The following NDUFA11 variants were observed in gnomAD, a reference collection of about 807,000 sequenced individuals.
NDUFA11 encodes NADH dehydrogenase [ubiquinone] 1 alpha subcomplex subunit 11.
In NDUFA11, 14 loss-of-function variants were observed where a neutral mutation model predicts 11.3. The ratio of observed to expected loss-of-function variants is 1.24; its 90% CI spans 0.82 to 1.94. The LOEUF (loss-of-function observed/expected upper bound fraction) is 1.94. NDUFA11 is among the 30% of genes most tolerant of loss of function. The pLI is 0.00. For missense variants in NDUFA11, 204 were observed against 200.3 expected (o/e 1.02, Z -0.11); for synonymous variants, 87 against 85.6 (o/e 1.02, Z -0.09).
At chr19:5,893,153 C>A (rs1430123795), downstream of NDUFA11, 18 of 1,535,950 alleles carry the variant, frequency 1.2e-5, no homozygotes, top group Middle Eastern at 1.7e-4. This position sits in a 1 kb window ranked among gnomAD's most constrained non-coding sequence, Gnocchi z 4.1. Flanking sequence ...TCGAGGCAGG[C>A]GCTGGAAGAA....
At chr19:5,894,079 C>T (rs549914136), downstream of NDUFA11, among the ~76,000 whole-genome samples, 6 of 152,340 alleles carry the variant, frequency 3.9e-5, 1 homozygote, top group South Asian at 1.2e-3. Flanking sequence ...ACTGGCCTGA[C>T]AGGTGGCAGG....
chr19:5,896,425 G>C lies in NDUFA11; in HGVS notation c.313+28C>G, dbSNP rs771268358. The C allele has an allele frequency of 6.4e-7, 1 of 1,551,610 alleles. No individual in the cohort carries two copies. The highest frequency in any genetic ancestry group is 8.7e-7 in the Non-Finnish European group (1 of 1,146,902). On this transcript the variant is annotated intron_variant, in intron 3 of 3. Coordinates refer to ENST00000308961, the MANE Select transcript of NDUFA11 (RefSeq NM_175614.5). This position sits in a 1 kb window ranked among gnomAD's most constrained non-coding sequence, Gnocchi z 5.8. ...GGGTCATTCTGCCAGGCTGGGAGGAGGGTGGGGGTGGGGAGGGGGCCACTC... is the reference window on the plus strand; with the variant it reads ...GGGTCATTCTGCCAGGCTGGGAGGACGGTGGGGGTGGGGAGGGGGCCACTC...
At chr19:5,892,630 T>A (rs1296459257), downstream of NDUFA11, 1 of 319,834 alleles carries the variant, frequency 3.1e-6, no homozygotes, top group Non-Finnish European at 5.8e-6. Context: ...AGGGATGGAA[T>A]CTGACGCCTG....
chr19:5,896,361 G>T lies in NDUFA11; in HGVS notation c.313+92C>A. On this transcript the variant is annotated intron_variant, in intron 3 of 3. Coordinates refer to ENST00000308961, the MANE Select transcript of NDUFA11 (RefSeq NM_175614.5). This position sits in a 1 kb window ranked among gnomAD's most constrained non-coding sequence, Gnocchi z 5.8. Reference sequence around the variant, plus strand: ...AAGAAGGCTGCTTTACTTCTTGTCCGGGATGGAACAGAGAGGGTGGAGGAT... The same window carrying T: ...AAGAAGGCTGCTTTACTTCTTGTCCTGGATGGAACAGAGAGGGTGGAGGAT... The T allele has an allele frequency of 7.3e-7, 1 of 1,372,560 alleles. No individual in the cohort carries two copies. The highest frequency in any genetic ancestry group is 2.5e-5 in the East Asian group (1 of 40,286). 85.0% of individuals were successfully genotyped at this position (1,372,560 alleles called of 1,614,324 possible).
chr19:5,897,072 T>A, intron 1 of NDUFA11, 75 bp from the exon 2 acceptor site: 1 of 1,204,544 alleles, frequency 8.3e-7, no homozygotes, highest in Non-Finnish European at 1.2e-6. Flanking sequence ...CCCCACTGGG[T>A]GGTCTCCCTC....
At chr19:5,892,091 TG>T, downstream of NDUFA11, 1 of 152,514 alleles carries the variant, frequency 6.6e-6, no homozygotes, top group Non-Finnish European at 1.5e-5. Flanking sequence ...TGTTCCATTC[TG>T]GGGGGCCCGT....
intron 1 of NDUFA11, among the ~76,000 whole-genome samples, chr19:5,901,112 A>C (rs372066035): frequency 5.3e-5 from 8 of 151,334 alleles, no homozygotes; most frequent in South Asian, 2.1e-4. Flanking sequence ...TCTGGGGAGC[A>C]CCCCCGGTCT....
At chr19:5,892,751 G>A, downstream of NDUFA11, 7 of 903,444 alleles carry the variant, frequency 7.7e-6, no homozygotes, top group East Asian at 2.9e-5. Flanking sequence ...GACAGAGGCC[G>A]GTGCCCTCGA....
rs1289402228 is a variant in NDUFA11 at position 5,896,721 on chromosome 19, C to G, written c.191-146G>C. On this transcript the variant is annotated intron_variant, in intron 2 of 3. Transcript: ENST00000308961. The surrounding 1 kb of genome is among the most constrained non-coding windows in gnomAD (Gnocchi z 5.8). Reference sequence around the variant, plus strand: ...CAGCCTCCTGGCCCCAGTCCTGGAGCTGTTCTCCTGGGCCTCCCCACCCTA... The same window carrying G: ...CAGCCTCCTGGCCCCAGTCCTGGAGGTGTTCTCCTGGGCCTCCCCACCCTA... 9 of 1,306,358 alleles carry G rather than the reference C, an allele frequency of 6.9e-6. No individual in the cohort carries two copies. The South Asian group carries it at 9.8e-5, about 14-fold the overall frequency. 80.9% of individuals were successfully genotyped at this position (1,306,358 alleles called of 1,614,324 possible). A position where few individuals can be genotyped will look rare whatever the true frequency, so the allele number is the denominator to read the frequency against.
chr19:5,893,972 G>T (rs529829551), downstream of NDUFA11, among the ~76,000 whole-genome samples: 6 of 152,204 alleles, frequency 3.9e-5, no homozygotes, highest in Non-Finnish European at 8.8e-5. The surrounding 1 kb of genome is among the most constrained non-coding windows in gnomAD (Gnocchi z 4.1). Context: ...CGCAGCATGT[G>T]GGAGCTTGCA....
intron 1 of NDUFA11, among the ~76,000 whole-genome samples, chr19:5,900,746 T>C (rs2057639782): frequency 6.6e-6 from 1 of 151,932 alleles, no homozygotes; most frequent in East Asian, 1.9e-4. Context: ...GGCGAAACCT[T>C]GTCTCTACTA....
At chr19:5,902,440 T>G (rs2057651755) in intron 1 of NDUFA11, 1 of 152,328 alleles carries the variant, frequency 6.6e-6, no homozygotes, top group Admixed American at 6.5e-5. Flanking sequence ...ATTGTTTTAC[T>G]TTTTTGCAGA....
intron 3 of NDUFA11, chr19:5,895,168 G>T: frequency 2.5e-6 from 1 of 398,670 alleles, no homozygotes; most frequent in Non-Finnish European, 4.7e-6. Context: ...CTGGGCACCG[G>T]GCCATGGTGA....
chr19:5,892,858 C>T (rs2057585918), downstream of NDUFA11: 13 of 1,390,870 alleles, frequency 9.3e-6, no homozygotes, highest in Non-Finnish European at 1.1e-5. Flanking sequence ...TCCCATTTAC[C>T]AGGTGGGAAA....
At chr19:5,899,614 C>G (rs974956462) in intron 1 of NDUFA11, among the ~76,000 whole-genome samples, 1 of 125,598 alleles carries the variant, frequency 8.0e-6, no homozygotes, top group African/African-American at 3.0e-5. Context: ...CCATGCCCAG[C>G]TAATTATTAT....
chr19:5,892,995 T>C (rs541765485), downstream of NDUFA11: 1 of 1,525,984 alleles, frequency 6.6e-7, no homozygotes, highest in Non-Finnish European at 8.8e-7. Flanking sequence ...CCCCTGCCCC[T>C]CTGGGTGCGG....
chr19:5,899,804 C>A (rs2057633758), intron 1 of NDUFA11: 1 of 152,050 alleles, frequency 6.6e-6, no homozygotes, highest in Admixed American at 6.6e-5. Context: ...CCAGCCCTGC[C>A]TGGGACCTGA....
downstream of NDUFA11, chr19:5,894,529 G>T: frequency 1.0e-6 from 1 of 997,038 alleles, no homozygotes; most frequent in Non-Finnish European, 1.5e-6. Flanking sequence ...GTTCTGTGGG[G>T]CCAGGCTGGT....
chr19:5,892,963 A>C (rs1291314262), downstream of NDUFA11: 1 of 1,494,166 alleles, frequency 6.7e-7, no homozygotes, highest in East Asian at 2.5e-5. Flanking sequence ...TGACTCTATT[A>C]GGGCTTGGAC....
Sources: gnomAD v4.1 joint callset for allele counts (sites outside exome capture counted in the v4.1 genomes callset) on GRCh38, gnomAD v4.1.1 for gene constraint, Gnocchi (gnomAD v3.1) non-coding constraint, MANE v1.5 for transcripts, NCBI Gene and HGNC (gene_info 2026-07-23, HGNC 2026-07-21) for gene names.